The following GADL1 variants were observed in gnomAD, a reference collection of about 807,000 sequenced individuals.
The protein encoded by GADL1 is acidic amino acid decarboxylase GADL1.
Under a neutral mutation model 69.5 loss-of-function variants are expected in GADL1, and 71 were observed. The ratio of observed to expected loss-of-function variants is 1.02; its 90% CI spans 0.84 to 1.25. GADL1 has a LOEUF of 1.25. Ranked by LOEUF, GADL1 falls within the 50% of genes most tolerant of loss-of-function variation. The probability of loss-of-function intolerance (pLI) is 0.00; values close to 1 mark genes in which losing one functional copy is unlikely to be tolerated. For missense variants in GADL1, 737 were observed against 631.8 expected (o/e 1.17, Z -1.79); for synonymous variants, 254 against 214.4 (o/e 1.18, Z -1.62).
intron 2 of GADL1, among the ~76,000 whole-genome samples, chr3:30,858,506 G>A (rs1698261821): frequency 6.6e-6 from 1 of 151,970 alleles, no homozygotes. Context: ...TATTTAAAAT[G>A]CAGAATCACT....
intron 14 of GADL1, among the ~76,000 whole-genome samples, chr3:30,773,542 C>CT (rs1184532581): frequency 2.0e-5 from 3 of 152,164 alleles, no homozygotes; most frequent in African/African-American, 7.2e-5. Context: ...TTTACATGTA[C>CT]TTAAGTATAC....
At chr3:30,767,936 ACAAT>A (rs1696322763) in intron 14 of GADL1, among the ~76,000 whole-genome samples, 2 of 152,154 alleles carry the variant, frequency 1.3e-5, no homozygotes, top group African/African-American at 4.8e-5. Context: ...GAATACACTG[ACAAT>A]CAGTAAAGAG....
chr3:30,738,753 A>G (rs377049627), intron 14 of GADL1, among the ~76,000 whole-genome samples: 6 of 152,304 alleles, frequency 3.9e-5, no homozygotes, highest in East Asian at 3.9e-4. Flanking sequence ...ACTGCCTATT[A>G]CAATAAGTGG....
chr3:30,819,510 T>C (rs528739195), intron 11 of GADL1, among the ~76,000 whole-genome samples: 1 of 152,164 alleles, frequency 6.6e-6, no homozygotes, highest in African/African-American at 2.4e-5. Context: ...TTGCTCAGAG[T>C]AAACTAACAT....
chr3:30,894,387 T>C (rs1698828733), intron 1 of GADL1, among the ~76,000 whole-genome samples, 191 bp downstream of exon 1: 1 of 152,232 alleles, frequency 6.6e-6, no homozygotes, highest in South Asian at 2.1e-4. Context: ...AGTTAACTCA[T>C]TTGATTCTAA....
chr3:30,785,968 TAA>T (rs1177656750), intron 13 of GADL1, among the ~76,000 whole-genome samples: 3 of 152,184 alleles, frequency 2.0e-5, no homozygotes, highest in South Asian at 2.1e-4. Context: ...CATTATTTTA[TAA>T]AAAGAGAAAA....
At chr3:30,781,558 T>A (rs1696665911) in intron 13 of GADL1, among the ~76,000 whole-genome samples, 1 of 152,118 alleles carries the variant, frequency 6.6e-6, no homozygotes, top group African/African-American at 2.4e-5. Context: ...ACTTCAAGCT[T>A]ATAGGTGTTA....
chr3:30,894,074 C>T (rs1189511757), intron 1 of GADL1, among the ~76,000 whole-genome samples: 1 of 152,204 alleles, frequency 6.6e-6, no homozygotes, highest in African/African-American at 2.4e-5. Flanking sequence ...GATCTTTAAA[C>T]AACTAAGGTC....
At chr3:30,753,562 A>T (rs1461502652) in intron 14 of GADL1, among the ~76,000 whole-genome samples, 3 of 152,102 alleles carry the variant, frequency 2.0e-5, no homozygotes, top group Non-Finnish European at 4.4e-5. Context: ...TCTGTCATTG[A>T]GCTCTTTCAA....
chr3:30,778,231 G>C lies in GADL1; in HGVS notation c.1340C>G (p.Pro447Arg). 2 of 1,612,188 alleles carry C rather than the reference G, an allele frequency of 1.2e-6. No homozygotes were observed. The highest frequency in any genetic ancestry group is 1.7e-6 in the Non-Finnish European group (2 of 1,178,500). Reference protein sequence around the residue: ...YANICFWYIPPSLREMEEGPE... With the variant: ...YANICFWYIPRSLREMEEGPE... ...TCCTTCTTCCATCTCTCTGAGGCTC[G>C]GTGGAATGTACCAAAAGCAAATATT... The change falls in exon 14 of 15, where the codon CCG (proline) becomes CGG (arginine). Residue 447 changes from proline to arginine, a missense_variant. Pro to Arg is a moderately radical substitution (Grantham distance 103). Coordinates refer to ENST00000282538, the MANE Select transcript of GADL1 (RefSeq NM_207359.3).
chr3:30,788,268 G>GGT (rs1696841237), intron 12 of GADL1, among the ~76,000 whole-genome samples: 1 of 152,134 alleles, frequency 6.6e-6, no homozygotes, highest in African/African-American at 2.4e-5. Flanking sequence ...GGGTATTGTA[G>GGT]GTTTGGTTCC....
intron 14 of GADL1, among the ~76,000 whole-genome samples, chr3:30,744,169 G>A (rs1403145367): frequency 3.3e-5 from 5 of 152,188 alleles, no homozygotes; most frequent in African/African-American, 1.2e-4. Context: ...AGATCTAGGT[G>A]AGTTCTACTT....
At chr3:30,876,602 G>T (rs1371127644) in intron 1 of GADL1, among the ~76,000 whole-genome samples, 1 of 151,872 alleles carries the variant, frequency 6.6e-6, no homozygotes, top group African/African-American at 2.4e-5. Flanking sequence ...GTTTCTTCAG[G>T]TGTCTCTTCC....
At chr3:30,740,912 A>G (rs2125472819) in intron 14 of GADL1, among the ~76,000 whole-genome samples, 1 of 141,350 alleles carries the variant, frequency 7.1e-6, no homozygotes, top group East Asian at 2.0e-4. Context: ...ATATATATCT[A>G]ATATATAAAA....
At chr3:30,774,474 A>G (rs1037591032) in intron 14 of GADL1, among the ~76,000 whole-genome samples, 1 of 152,178 alleles carries the variant, frequency 6.6e-6, no homozygotes, top group South Asian at 2.1e-4. Flanking sequence ...TTTGAAAAGT[A>G]TATCATTAAT....
chr3:30,796,714 T>C (rs956561159), intron 12 of GADL1, among the ~76,000 whole-genome samples: 1 of 152,202 alleles, frequency 6.6e-6, no homozygotes, highest in Non-Finnish European at 1.5e-5. Flanking sequence ...CTGCTGATAC[T>C]GTTGAAGCAC....
intron 13 of GADL1, among the ~76,000 whole-genome samples, chr3:30,783,186 A>G (rs1696706277): frequency 6.6e-6 from 1 of 152,210 alleles, no homozygotes; most frequent in South Asian, 2.1e-4. Flanking sequence ...TGAAACATTA[A>G]TAACTCCTCC....
chr3:30,863,710 C>CA (rs5847670), intron 1 of GADL1, among the ~76,000 whole-genome samples: 71 of 150,646 alleles, frequency 4.7e-4, no homozygotes, highest in East Asian at 2.4e-3. Flanking sequence ...CAATGGTCTA[C>CA]AAAAAAAAAC....
intron 1 of GADL1, among the ~76,000 whole-genome samples, chr3:30,874,768 C>T (rs1166385067): frequency 2.6e-5 from 4 of 151,896 alleles, no homozygotes; most frequent in Non-Finnish European, 1.5e-5. Flanking sequence ...TTATACAAAA[C>T]AACAACTCTT....
Sources: allele counts gnomAD v4.1 joint callset (sites outside exome capture counted in the v4.1 genomes callset), GRCh38; gene constraint gnomAD v4.1.1; transcripts MANE v1.5; gene names NCBI Gene and HGNC (gene_info 2026-07-23, HGNC 2026-07-21).